Variants in DCHS1 observed in about 807,000 individuals in gnomAD.
DCHS1 encodes the protein dachsous cadherin-related 1, also known as protocadherin-16.
A neutral mutation model predicts 213.9 loss-of-function variants in DCHS1; 78 were observed. The observed-to-expected ratio is 0.36, with a 90% CI of 0.30 to 0.44. DCHS1 has a LOEUF of 0.44. Ranked by LOEUF, DCHS1 falls within the 20% of genes least tolerant of loss-of-function variation. The pLI is 1.00. For missense variants in DCHS1, 3,946 were observed against 4,395.9 expected (o/e 0.90, Z 2.89); for synonymous variants, 1,828 against 1,873.7 (o/e 0.98, Z 0.63).
intron 2 of DCHS1, among the ~76,000 whole-genome samples, chr11:6,637,820 G>A (rs1856007372): frequency 6.6e-6 from 1 of 152,040 alleles, no homozygotes; most frequent in Non-Finnish European, 1.5e-5. Flanking sequence ...TAAGATGAGG[G>A]GAGTGACGCA....
chr11:6,653,612 T>C (rs1856275202), intron 1 of DCHS1, among the ~76,000 whole-genome samples: 1 of 152,218 alleles, frequency 6.6e-6, no homozygotes, highest in Admixed American at 6.5e-5. Context: ...TATTTATTTA[T>C]GAAGGGCCCA....
chr11:6,621,491 T>G lies in DCHS1; in HGVS notation c.*288A>C. ...CCCAATAAATAAAGTCTCAGCTCCA[T>G]CTCAGGGTGCTGGTGCAGGGCAGGG... is the stretch of plus-strand genomic sequence containing the variant. On this transcript the variant is annotated 3_prime_UTR_variant, in exon 21 of 21. Transcript: ENST00000299441. 1 of 544,494 alleles carries G rather than the reference T, an allele frequency of 1.8e-6. No homozygotes were observed. Among genetic ancestry groups the G allele is most frequent in the Non-Finnish European group, 3.4e-6 (1 of 292,558 alleles). The allele number at this position is 544,494 out of a possible 1,614,324, so 33.7% of individuals were successfully genotyped here.
At chr11:6,655,145 AC>A (rs2134667177) in intron 1 of DCHS1, among the ~76,000 whole-genome samples, 1 of 151,958 alleles carries the variant, frequency 6.6e-6, no homozygotes, top group Admixed American at 6.5e-5. Context: ...CGGGCAACAC[AC>A]CCTCACAGGG....
intron 1 of DCHS1, among the ~76,000 whole-genome samples, chr11:6,654,937 C>T (rs547097740): frequency 1.3e-5 from 2 of 152,206 alleles, no homozygotes; most frequent in East Asian, 3.9e-4. Context: ...AGCTGGGTAT[C>T]CCAGACACAA....
At chr11:6,633,677 A>G (rs750116228) in intron 4 of DCHS1, 29 bp from the exon 5 acceptor site, 141 of 1,609,382 alleles carry the variant, frequency 8.8e-5, no homozygotes, top group Non-Finnish European at 1.1e-4. Flanking sequence ...GCAGAGATAT[A>G]TAAGGAAACA....
rs752482712 is a variant in DCHS1, at chr11:6,622,028, C to T, written c.9648G>A (p.Val3216=). ...TAVAHPGAKS[V]PPKPANTAAA... ...CAGCTGTGTTTGCTGGCTTGGGGGG[C>T]ACAGACTTGGCTCCTGGGTGGGCCA... is the stretch of plus-strand genomic sequence containing the variant. Residue 3216 remains valine, a synonymous_variant, in exon 21 of 21, where the codon GTG becomes GTA. Coordinates refer to ENST00000299441, the MANE Select transcript of DCHS1 (RefSeq NM_003737.4). This position sits in a 1 kb window ranked among gnomAD's most constrained non-coding sequence, Gnocchi z 5.4. 62 of 1,612,738 alleles carry T rather than the reference C, an allele frequency of 3.8e-5. No homozygotes were observed. The highest frequency in any genetic ancestry group is 1.7e-4 in the Middle Eastern group (1 of 6,056).
chr11:6,623,202 C>T lies in DCHS1; in HGVS notation c.8474G>A (p.Gly2825Asp). 1 of 1,602,134 alleles carries T rather than the reference C, an allele frequency of 6.2e-7. No homozygotes were observed. Among genetic ancestry groups the T allele is most frequent in the Non-Finnish European group, 8.5e-7 (1 of 1,174,220 alleles). ...ACCCAAGCTGTGGCCACGCCGGGCA[C>T]CTTCGGGCACTTGGAAGTGGAAAGC... is the stretch of plus-strand genomic sequence containing the variant. ...APAFHFQVPE[G>D]ARRGHSLGHV... The change falls in exon 21 of 21, where the codon GGT becomes GAT. Residue 2825 changes from glycine (G) to aspartate (D), a missense_variant. Gly to Asp is a moderately conservative substitution (Grantham distance 94). This residue lies in a region of DCHS1 where 3,384 missense variants were observed against 3,780.1 expected (regional missense o/e 0.90). Transcript: ENST00000299441.
intron 5 of DCHS1, 121 bp from the exon 6 acceptor site, chr11:6,633,177 G>A (rs1420953497): frequency 5.4e-6 from 7 of 1,285,026 alleles, no homozygotes; most frequent in East Asian, 4.9e-5. Flanking sequence ...AAAATATTAG[G>A]AGGAGGGGCA....
At position 6,640,099 on chromosome 11, in the gene DCHS1, A is replaced by G. The variant is rs773949605; in HGVS notation, c.1515T>C (p.Asn505=). The G allele has an allele frequency of 6.2e-7, 1 of 1,613,838 alleles. No homozygotes were observed. Among genetic ancestry groups the G allele is most frequent in the Non-Finnish European group, 8.5e-7 (1 of 1,179,792 alleles). ...VTARDPDQGT[N]GQVTYSLAPG... is the part of the protein sequence containing the mutation. Reference sequence around the variant, plus strand: ...GGGCTAGGCTATAAGTGACCTGACCATTGGTGCCTTGGTCAGGATCCCGAG... The same window carrying G: ...GGGCTAGGCTATAAGTGACCTGACCGTTGGTGCCTTGGTCAGGATCCCGAG... The change falls in exon 2 of 21, where the codon AAT becomes AAC. Residue 505 remains asparagine, a synonymous_variant. Transcript: ENST00000299441. The surrounding 1 kb of genome is among the most constrained non-coding windows in gnomAD (Gnocchi z 6.5).
chr11:6,645,871 A>G (rs1310701304), intron 1 of DCHS1, among the ~76,000 whole-genome samples: 1 of 152,202 alleles, frequency 6.6e-6, no homozygotes, highest in Non-Finnish European at 1.5e-5. Context: ...ACATGCACAC[A>G]GGTACATTCA....
In DCHS1 at chr11:6,627,140, G is replaced by C; in HGVS notation, c.5899C>G (p.Leu1967Val). 6.2e-7 allele frequency: 1 copy of C among 1,612,506 alleles called. No homozygotes were observed. The change falls in exon 14 of 21, where the codon CTA becomes GTA. Residue 1967 changes from leucine (L) to valine (V), a missense_variant. By Grantham distance (32) the Leu-to-Val change is conservative (BLOSUM62 1). Around this residue, in one of 3 missense-constraint regions of DCHS1, gnomAD observed 3,384 missense variants for 3,780.1 expected, o/e 0.90. Coordinates refer to ENST00000299441, the MANE Select transcript of DCHS1 (RefSeq NM_003737.4). The surrounding 1 kb of genome is among the most constrained non-coding windows in gnomAD (Gnocchi z 5.4). ...APTFPTSPLR[L>V]RLPRPGPSFS... ...CTGGGGCCTGGGCGGGGCAGACGTA[G>C]GCGCAGAGGACTGGTGGGGAAGGTG...
Position 6,624,316 on chromosome 11 carries a change from C to T in DCHS1, c.7360G>A (p.Ala2454Thr). 1.9e-6 allele frequency: 3 copies of T among 1,584,368 alleles called. No individual in the cohort carries two copies. Among genetic ancestry groups the T allele is most frequent in the Non-Finnish European group, 2.6e-6 (3 of 1,166,162 alleles). ...GSGAVDVVLEARDHGAPGRAA... is the reference protein window; with the variant it reads ...GSGAVDVVLETRDHGAPGRAA... ...CGGCCTGGAGCCCCGTGGTCTCGTG[C>T]TTCCAGCACCACATCCACTGCTCCT... Residue 2454 changes from alanine to threonine, a missense_variant, in exon 21 of 21, where the codon GCA becomes ACA. By Grantham distance (58) the Ala-to-Thr change is moderately conservative. Around this residue, in one of 3 missense-constraint regions of DCHS1, gnomAD observed 3,384 missense variants for 3,780.1 expected, o/e 0.90. Coordinates refer to ENST00000299441, the MANE Select transcript of DCHS1 (RefSeq NM_003737.4).
chr11:6,637,610 C>T (rs1392795226), intron 2 of DCHS1, among the ~76,000 whole-genome samples: 2 of 151,898 alleles, frequency 1.3e-5, no homozygotes, highest in African/African-American at 2.4e-5. Flanking sequence ...CACCTCTGTG[C>T]ACCTCACCTC....
chr11:6,627,516 C>G lies in DCHS1; in HGVS notation c.5523G>C (p.Leu1841Phe), dbSNP rs753957897. Residue 1841 changes from leucine to phenylalanine, a missense_variant, in exon 14 of 21, where the codon TTG becomes TTC. By Grantham distance (22) the Leu-to-Phe change is conservative. This residue lies in a region of DCHS1 where 3,384 missense variants were observed against 3,780.1 expected (regional missense o/e 0.90). Coordinates refer to ENST00000299441, the MANE Select transcript of DCHS1 (RefSeq NM_003737.4). This position sits in a 1 kb window ranked among gnomAD's most constrained non-coding sequence, Gnocchi z 5.4. Reference protein sequence around the residue: ...GQPALSATLLLTVTVLDANDH... With the variant: ...GQPALSATLLFTVTVLDANDH... The stretch of plus-strand genomic sequence containing the variant: ...CATTGGCATCCAGCACTGTCACTGT[C>G]AAAAGCAGCGTGGCACTGAGAGCTG... 1.9e-6 allele frequency: 3 copies of G among 1,612,368 alleles called. No individual in the cohort carries two copies. Among genetic ancestry groups the G allele is most frequent in the Admixed American group, 3.3e-5 (2 of 59,836 alleles).
chr11:6,634,102 T>C lies in DCHS1; in HGVS notation c.1986+16A>G. On this transcript the variant is annotated intron_variant, in intron 3 of 20. Transcript: ENST00000299441. ...CTACCCCAACATCCCAACCTGCCCT[T>C]GGTCTACTGACTTACCCCATCCACA... 7 of 1,598,982 alleles carry C rather than the reference T, an allele frequency of 4.4e-6. No individual in the cohort carries two copies. Among genetic ancestry groups the C allele is most frequent in the Non-Finnish European group, 6.0e-6 (7 of 1,170,810 alleles).
chr11:6,626,770 G>T lies in DCHS1; in HGVS notation c.6250+19C>A, dbSNP rs765249698. On this transcript the variant is annotated intron_variant, in intron 14 of 20. Coordinates refer to ENST00000299441, the MANE Select transcript of DCHS1 (RefSeq NM_003737.4). The surrounding 1 kb of genome is among the most constrained non-coding windows in gnomAD (Gnocchi z 5.2). ...CCCATTTGGGAGTCTGAATCTGGAA[G>T]AAATGGCTGGGGACCCACCTGGGGG... is the stretch of plus-strand genomic sequence containing the variant. 3.1e-6 allele frequency: 5 copies of T among 1,609,222 alleles called. No homozygotes were observed. Among genetic ancestry groups the T allele is most frequent in the South Asian group, 1.1e-5 (1 of 90,996 alleles).
At position 6,621,611 on chromosome 11, in the gene DCHS1, G is replaced by T; in HGVS notation, c.*168C>A. On this transcript the variant is annotated 3_prime_UTR_variant, in exon 21 of 21. Transcript: ENST00000299441. ...GGTCAGTGAGCAACAGGGCTTCTGT[G>T]GTCCTAGTACTCTGAGGGGGCTGGG... 1.3e-6 allele frequency: 1 copy of T among 784,242 alleles called. No homozygotes were observed. The highest frequency in any genetic ancestry group is 2.2e-6 in the Non-Finnish European group (1 of 460,592). The allele number at this position is 784,242 out of a possible 1,614,324, so 48.6% of individuals were successfully genotyped here.
rs1272863955 is a variant in DCHS1 at position 6,629,537 on chromosome 11, T to C, written c.5076A>G (p.Glu1692=). ...GQVTYGGVSS[E]SFSLDPDTGV... is the part of the protein sequence containing the mutation. ...CAGTGTCAGGATCCAGAGAAAAGCT[T>C]TCGCTAGAGACGCCTCCATAAGTCA... Residue 1692 remains glutamate (E), a synonymous_variant, in exon 12 of 21, where the codon GAA becomes GAG. Transcript: ENST00000299441. The C allele has an allele frequency of 6.2e-7, 1 of 1,613,488 alleles. No individual in the cohort carries two copies. Among genetic ancestry groups the C allele is most frequent in the Non-Finnish European group, 8.5e-7 (1 of 1,179,726 alleles).
chr11:6,640,735 C>T lies in DCHS1; in HGVS notation c.879G>A (p.Glu293=), dbSNP rs1226505810. 6.2e-7 allele frequency: 1 copy of T among 1,613,948 alleles called. No individual in the cohort carries two copies. Among genetic ancestry groups the T allele is most frequent in the Non-Finnish European group, 8.5e-7 (1 of 1,179,882 alleles). ...CACCCTCGCTCTGCCTCCGGTTGAT[C>T]TCGTAAGTCACAGCCCCATTGACAC... ...DAGVNGAVTY[E]INRRQSEGDG... The change falls in exon 2 of 21, where the codon GAG becomes GAA. Residue 293 remains glutamate (E), a synonymous_variant. Transcript: ENST00000299441. This position sits in a 1 kb window ranked among gnomAD's most constrained non-coding sequence, Gnocchi z 6.5.
Sources: gnomAD v4.1 joint callset for allele counts (sites outside exome capture counted in the v4.1 genomes callset) on GRCh38, gnomAD v4.1.1 for gene constraint, gnomAD v4.1.1 regional missense constraint, Gnocchi (gnomAD v3.1) non-coding constraint, MANE v1.5 for transcripts, NCBI Gene and HGNC (gene_info 2026-07-23, HGNC 2026-07-21) for gene names.